The following NDUFC1 variants were observed in gnomAD, a reference collection of about 807,000 sequenced individuals.
The protein encoded by NDUFC1 is NADH:ubiquinone oxidoreductase subunit C1.
Under a neutral mutation model 11.6 loss-of-function variants are expected in NDUFC1, and 11 were observed. That is an observed-to-expected ratio of 0.95 (90% confidence interval 0.60 to 1.58). The LOEUF (loss-of-function observed/expected upper bound fraction) is 1.58. Ranked by LOEUF, NDUFC1 falls within the 40% of genes most tolerant of loss-of-function variation. The pLI is 0.00. For synonymous variants in NDUFC1, 52 were observed against 42.2 expected, an observed-to-expected ratio of 1.23 and a Z score of -0.90; for missense variants, 112 against 93.0, an observed-to-expected ratio of 1.20 and a Z score of -0.84.
rs574967728 is a variant in NDUFC1 at position 139,295,836 on chromosome 4, A to C, written c.-38T>G. 2.0e-6 allele frequency: 3 copies of C among 1,537,516 alleles called. No homozygotes were observed. The highest frequency in any genetic ancestry group is 2.6e-6 in the Non-Finnish European group (3 of 1,141,346). On this transcript the variant is annotated 5_prime_UTR_variant, in exon 3 of 6. Coordinates refer to ENST00000394223, the MANE Select transcript of NDUFC1 (RefSeq NM_001184989.2). ...AGCTCAGTCTCTCCGAGTTGGCAAC[A>C]GAACCAGCGCCACCTGGCGGCCGGA...
intron 1 of NDUFC1, among the ~76,000 whole-genome samples, chr4:139,300,027 C>A (rs1745644496): frequency 6.6e-6 from 1 of 152,142 alleles, no homozygotes; most frequent in South Asian, 2.1e-4. Flanking sequence ...TTTTTTCTGT[C>A]TTTCAATAGT....
chr4:139,301,954 C>G (rs960835143), intron 1 of NDUFC1: 1 of 1,080,852 alleles, frequency 9.3e-7, no homozygotes, highest in Admixed American at 2.5e-5. Context: ...TCATAGCTCT[C>G]GTCAGGCCGA....
At chr4:139,298,664 T>C (rs1745575243) in intron 1 of NDUFC1, among the ~76,000 whole-genome samples, 1 of 150,514 alleles carries the variant, frequency 6.6e-6, no homozygotes, top group Admixed American at 6.7e-5. Flanking sequence ...AATACATGAA[T>C]TTCTTTTATA....
chr4:139,293,001 A>G (rs1431428601), intron 4 of NDUFC1, among the ~76,000 whole-genome samples: 1 of 151,926 alleles, frequency 6.6e-6, no homozygotes, highest in East Asian at 1.9e-4. Flanking sequence ...TTGTATCTTT[A>G]GTAGAGATGG....
At chr4:139,301,665 C>A in intron 1 of NDUFC1, 2 of 1,248,848 alleles carry the variant, frequency 1.6e-6, no homozygotes, top group Non-Finnish European at 2.2e-6. Flanking sequence ...CTGGTGGTGG[C>A]GGCGGATCGA....
chr4:139,299,860 T>C (rs1745634492), intron 1 of NDUFC1, among the ~76,000 whole-genome samples: 1 of 152,216 alleles, frequency 6.6e-6, no homozygotes, highest in Non-Finnish European at 1.5e-5. Flanking sequence ...GAAATTTTCT[T>C]CCTCTGAAGG....
chr4:139,291,772 AT>A (rs1354765299), intron 5 of NDUFC1, among the ~76,000 whole-genome samples: 2 of 152,214 alleles, frequency 1.3e-5, no homozygotes, highest in African/African-American at 4.8e-5. Flanking sequence ...ATAATTTGTC[AT>A]AAGTGCTATG....
At chr4:139,291,008 C>T (rs143731946) in intron 5 of NDUFC1, among the ~76,000 whole-genome samples, 2 of 151,400 alleles carry the variant, frequency 1.3e-5, no homozygotes, top group East Asian at 2.0e-4. Context: ...GATGGGGTTT[C>T]GCCACGTTGG....
At chr4:139,296,423 T>C (rs1745478665) in intron 2 of NDUFC1, 1 of 152,334 alleles carries the variant, frequency 6.6e-6, no homozygotes, top group African/African-American at 2.4e-5. Flanking sequence ...ATGGCAGAGG[T>C]GGGATACAGT....
At chr4:139,301,745 G>T (rs1168189900) in intron 1 of NDUFC1, 1 of 1,552,926 alleles carries the variant, frequency 6.4e-7, no homozygotes, top group Non-Finnish European at 8.7e-7. Context: ...ACCGAGCCGG[G>T]TGGTGGCGGG....
chr4:139,293,764 TCA>T (rs1390045997), intron 4 of NDUFC1, among the ~76,000 whole-genome samples: 4 of 152,114 alleles, frequency 2.6e-5, no homozygotes, highest in Admixed American at 6.6e-5. Context: ...AGGCAGTGTT[TCA>T]CAGTCTTTTC....
rs2110748494 is a variant in NDUFC1, at chr4:139,289,998, T to G, written c.*115A>C. The G allele has an allele frequency of 6.6e-6, 1 of 152,330 alleles. No individual in the cohort carries two copies. The highest frequency in any genetic ancestry group is 2.1e-4 in the South Asian group (1 of 4,830). 9.4% of individuals were successfully genotyped at this position (152,330 alleles called of 1,614,324 possible). A position where few individuals can be genotyped will look rare whatever the true frequency, so the allele number is the denominator to read the frequency against. On this transcript the variant is annotated 3_prime_UTR_variant, in exon 6 of 6. Coordinates refer to ENST00000394223, the MANE Select transcript of NDUFC1 (RefSeq NM_001184989.2). ...AATGATGCAAAATACAAATGCTGGCTTGATATATATTCACATATAACTTTT... is the reference window on the plus strand; with the variant it reads ...AATGATGCAAAATACAAATGCTGGCGTGATATATATTCACATATAACTTTT...
intron 1 of NDUFC1, chr4:139,301,769 G>C: frequency 6.4e-7 from 1 of 1,571,496 alleles, no homozygotes; most frequent in Non-Finnish European, 8.6e-7. Flanking sequence ...AGCGGGAGCA[G>C]CCGGAACGAT....
At chr4:139,298,189 C>T (rs1745542465) in intron 1 of NDUFC1, among the ~76,000 whole-genome samples, 1 of 152,172 alleles carries the variant, frequency 6.6e-6, no homozygotes, top group Non-Finnish European at 1.5e-5. Flanking sequence ...CCTGTAATCC[C>T]AGCACTTTGG....
chr4:139,295,826 A>G lies in NDUFC1; in HGVS notation c.-28T>C. 1.3e-6 allele frequency: 2 copies of G among 1,541,934 alleles called. No homozygotes were observed. The highest frequency in any genetic ancestry group is 1.7e-6 in the Non-Finnish European group (2 of 1,143,386). ...TGCGTGGCCCAGCTCAGTCTCTCCG[A>G]GTTGGCAACAGAACCAGCGCCACCT... On this transcript the variant is annotated 5_prime_UTR_variant, in exon 3 of 6. Coordinates refer to ENST00000394223, the MANE Select transcript of NDUFC1 (RefSeq NM_001184989.2).
At position 139,295,062 on chromosome 4, in the gene NDUFC1, G is replaced by T; in HGVS notation, c.152C>A (p.Thr51Asn). Residue 51 changes from threonine to asparagine, a missense_variant, in exon 4 of 6, where the codon ACT becomes AAT. Coordinates refer to ENST00000394223, the MANE Select transcript of NDUFC1 (RefSeq NM_001184989.2). ...ACTTACATAGATCCACAAGAAGACA[G>T]TGGTGCCCAAGGTGAACCCAACTTT... ...WLKVGFTLGT[T>N]VFLWIYLIKQ... The T allele has an allele frequency of 6.2e-7, 1 of 1,614,088 alleles. No individual in the cohort carries two copies. The highest frequency in any genetic ancestry group is 8.5e-7 in the Non-Finnish European group (1 of 1,179,934).
chr4:139,301,456 T>G, intron 1 of NDUFC1: 3 of 439,560 alleles, frequency 6.8e-6, no homozygotes, highest in Non-Finnish European at 1.2e-5. Context: ...CGCGCCTGCG[T>G]GTTAGGAAGC....
intron 2 of NDUFC1, among the ~76,000 whole-genome samples, chr4:139,297,100 C>A (rs1331449187): frequency 1.3e-5 from 2 of 152,138 alleles, no homozygotes; most frequent in Non-Finnish European, 2.9e-5. Flanking sequence ...ATGTGCTGAG[C>A]CAGTTGTTGG....
rs1745145834 is a variant in NDUFC1, at chr4:139,290,002, T to A, written c.*111A>T. 6.6e-6 allele frequency: 1 copy of A among 152,176 alleles called. No individual in the cohort carries two copies. Among genetic ancestry groups the A allele is most frequent in the Admixed American group, 6.6e-5 (1 of 15,260 alleles). The allele number at this position is 152,176 out of a possible 1,614,324, so 9.4% of individuals were successfully genotyped here. ...ATGCAAAATACAAATGCTGGCTTGA[T>A]ATATATTCACATATAACTTTTTCTC... On this transcript the variant is annotated 3_prime_UTR_variant, in exon 6 of 6. Transcript: ENST00000394223.
Sources: allele counts gnomAD v4.1 joint callset (sites outside exome capture counted in the v4.1 genomes callset), GRCh38; gene constraint gnomAD v4.1.1; transcripts MANE v1.5; gene names NCBI Gene and HGNC (gene_info 2026-07-23, HGNC 2026-07-21).